The following CDH12 variants were observed in gnomAD, a reference collection of about 807,000 sequenced individuals.
CDH12 encodes the protein cadherin 12, also known as cadherin-12.
CDH12 carries 41 observed loss-of-function variants against 74.1 expected under a neutral mutation model. The ratio of observed to expected loss-of-function variants is 0.55; its 90% confidence interval spans 0.43 to 0.72. The LOEUF is 0.72. CDH12 is among the 30% of genes least tolerant of loss of function. The pLI is 0.00. For missense variants in CDH12, 945 were observed against 977.2 expected (o/e 0.97, Z 0.44); for synonymous variants, 399 against 355.0 (o/e 1.12, Z -1.39).
At chr5:22,405,113 G>A (rs1290200023) in intron 3 of CDH12, 144 bp downstream of exon 3, 2 of 154,546 alleles carry the variant, frequency 1.3e-5, no homozygotes, top group African/African-American at 2.4e-5. Flanking sequence ...GGGAGACTGA[G>A]GCAGGAAAAT....
chr5:22,653,467 A>C (rs1477173901), intron 1 of CDH12, among the ~76,000 whole-genome samples: 1 of 152,008 alleles, frequency 6.6e-6, no homozygotes, highest in Non-Finnish European at 1.5e-5. Flanking sequence ...AAAAAAAAAA[A>C]CAGAATTGCT....
intron 3 of CDH12, among the ~76,000 whole-genome samples, chr5:22,321,194 A>T (rs952876966): frequency 6.6e-6 from 1 of 152,046 alleles, no homozygotes; most frequent in Non-Finnish European, 1.5e-5. Context: ...ACACATGCAC[A>T]CGTTGTTTAT....
intron 1 of CDH12, among the ~76,000 whole-genome samples, chr5:22,769,780 A>T (rs186498147): frequency 7.0e-6 from 1 of 142,144 alleles, no homozygotes; most frequent in Non-Finnish European, 1.5e-5. Context: ...CAATACAAAT[A>T]GTATTTTCTT....
At chr5:22,308,361 A>T (rs1561300558) in intron 3 of CDH12, among the ~76,000 whole-genome samples, 1 of 152,160 alleles carries the variant, frequency 6.6e-6, no homozygotes, top group Non-Finnish European at 1.5e-5. Context: ...ATCTGTCATT[A>T]TCCGATTGCC....
At chr5:22,414,881 T>C (rs1743315512) in intron 2 of CDH12, among the ~76,000 whole-genome samples, 1 of 152,038 alleles carries the variant, frequency 6.6e-6, no homozygotes, top group Non-Finnish European at 1.5e-5. Flanking sequence ...TAATTAAATA[T>C]GTTTTTAATA....
intron 1 of CDH12, among the ~76,000 whole-genome samples, chr5:22,747,104 C>A (rs1285276412): frequency 1.3e-5 from 2 of 152,032 alleles, no homozygotes; most frequent in Non-Finnish European, 2.9e-5. Context: ...GTGATGTGTA[C>A]TTTAATAAAT....
chr5:22,405,706 C>T (rs1341580780), intron 2 of CDH12, among the ~76,000 whole-genome samples: 1 of 152,142 alleles, frequency 6.6e-6, no homozygotes, highest in Non-Finnish European at 1.5e-5. Flanking sequence ...AACAAACAGA[C>T]CTGGTAGCTC....
At chr5:22,740,972 A>G (rs1359450472) in intron 1 of CDH12, among the ~76,000 whole-genome samples, 2 of 152,140 alleles carry the variant, frequency 1.3e-5, no homozygotes, top group African/African-American at 2.4e-5. Context: ...TTTAGAAACA[A>G]TAGGGGATTT....
intron 2 of CDH12, among the ~76,000 whole-genome samples, chr5:22,471,257 A>C (rs1745947082): frequency 6.6e-6 from 1 of 152,130 alleles, no homozygotes; most frequent in Admixed American, 6.5e-5. Context: ...ACCAATCGAC[A>C]AGCTCTCTGC....
chr5:22,223,745 T>C (rs1464258991), intron 3 of CDH12, among the ~76,000 whole-genome samples: 1 of 151,864 alleles, frequency 6.6e-6, no homozygotes, highest in Non-Finnish European at 1.5e-5. Flanking sequence ...ATCATTAGTG[T>C]AGGAGAGGAC....
At chr5:22,067,070 C>T (rs939539066) in intron 5 of CDH12, among the ~76,000 whole-genome samples, 1 of 152,142 alleles carries the variant, frequency 6.6e-6, no homozygotes, top group African/African-American at 2.4e-5. Context: ...CATTGCTCTA[C>T]CTCAGGGGTA....
chr5:22,459,714 C>T (rs1745423499), intron 2 of CDH12, among the ~76,000 whole-genome samples: 2 of 152,110 alleles, frequency 1.3e-5, no homozygotes, highest in Admixed American at 1.3e-4. Flanking sequence ...GTGGCTCACG[C>T]TTGTAATCCC....
At chr5:22,663,497 C>T (rs1740452403) in intron 1 of CDH12, among the ~76,000 whole-genome samples, 1 of 152,110 alleles carries the variant, frequency 6.6e-6, no homozygotes, top group African/African-American at 2.4e-5. Flanking sequence ...ATTTAAACAT[C>T]CTTTATGTTG....
chr5:22,573,008 T>A (rs1739613558), intron 1 of CDH12, among the ~76,000 whole-genome samples: 1 of 152,146 alleles, frequency 6.6e-6, no homozygotes, highest in African/African-American at 2.4e-5. Context: ...GTAATGAAAA[T>A]AGCTCAAAAT....
At chr5:22,607,205 T>G (rs72637714) in intron 1 of CDH12, among the ~76,000 whole-genome samples, 9,977 of 152,216 alleles carry the variant, frequency 0.066, 434 homozygotes, top group East Asian at 0.24. Context: ...TCAAGCTGTC[T>G]GCAGAAATTT....
intron 10 of CDH12, among the ~76,000 whole-genome samples, chr5:21,784,294 G>A (rs1746079439): frequency 6.6e-6 from 1 of 152,022 alleles, no homozygotes; most frequent in South Asian, 2.1e-4. Context: ...TTTCCAACAT[G>A]TGTTTTCAAT....
chr5:21,833,038 TATATAATATATATTATATGTTATATAAC>T (rs1561224519), intron 8 of CDH12, among the ~76,000 whole-genome samples: 1 of 67,172 alleles, frequency 1.5e-5, no homozygotes, highest in East Asian at 4.9e-4. Context: ...TAATATATAA[TATATAATATATATTATATGTTATATAAC>T]ATATAATATA....
chr5:22,774,858 G>C (rs774018267), intron 1 of CDH12, among the ~76,000 whole-genome samples: 1 of 152,032 alleles, frequency 6.6e-6, no homozygotes, highest in Non-Finnish European at 1.5e-5. Flanking sequence ...AGGGGCAAAG[G>C]CTGAACAACT....
intron 4 of CDH12, among the ~76,000 whole-genome samples, chr5:22,090,488 C>CAAAA (rs57410067): frequency 7.6e-6 from 1 of 130,748 alleles, no homozygotes; most frequent in Non-Finnish European, 1.7e-5. Context: ...TCTGTAAACT[C>CAAAA]AAAAAAAAAA....
Sources: gnomAD v4.1 joint callset for allele counts (sites outside exome capture counted in the v4.1 genomes callset) on GRCh38, gnomAD v4.1.1 for gene constraint, MANE v1.5 for transcripts, NCBI Gene and HGNC (gene_info 2026-07-23, HGNC 2026-07-21) for gene names.